PLEKHH2: variants seen among roughly 807,000 people sequenced by gnomAD.
PLEKHH2 encodes the protein pleckstrin homology domain-containing family H member 2.
In PLEKHH2, 129 loss-of-function variants were observed where a neutral mutation model predicts 187.9. The ratio of observed to expected loss-of-function variants is 0.69; its 90% CI spans 0.59 to 0.79. PLEKHH2 has a LOEUF of 0.79. Ranked by LOEUF, PLEKHH2 falls within the 30% of genes least tolerant of loss-of-function variation. The pLI is 0.00. For missense variants in PLEKHH2, 2,076 were observed against 1,751.2 expected (o/e 1.19, Z -3.31); for synonymous variants, 686 against 605.6 (o/e 1.13, Z -1.95).
At position 43,743,978 on chromosome 2, in the gene PLEKHH2, G is replaced by T. The variant is rs777774501; in HGVS notation, c.3544G>T (p.Gly1182Ter). The T allele has an allele frequency of 6.2e-7, 1 of 1,613,632 alleles. No homozygotes were observed. The change falls in exon 23 of 30, where the codon GGA (glycine) becomes TGA (stop). Residue 1182 changes from glycine (G) to a stop codon, truncating the protein, a stop_gained. Coordinates refer to ENST00000282406, the MANE Select transcript of PLEKHH2 (RefSeq NM_172069.4). LOFTEE classifies it high-confidence loss of function. The part of the protein sequence containing the change: ...SGRDLEHCLQ[G>*]NIKICDIISK... ...CAGAGATTTAGAGCATTGTCTTCAA[G>T]GAAACATCAAGGTGAAACCAAGTCC...
Position 43,699,985 on chromosome 2 carries a change from A to T in PLEKHH2, c.1027A>T (p.Ile343Leu). The change falls in exon 8 of 30, where the codon ATA becomes TTA. Residue 343 changes from isoleucine (I) to leucine (L), a missense_variant. By Grantham distance (5) the Ile-to-Leu change is conservative. Transcript: ENST00000282406. ...TATATTTGAGGAAGAGACTTTTGGC[A>T]TAAAGAGACCAGAACACAAGAAGCT... is the stretch of plus-strand genomic sequence containing the variant. Reference protein sequence around the residue: ...SSIFEEETFGIKRPEHKKLYS... With the variant: ...SSIFEEETFGLKRPEHKKLYS... 1 of 1,614,212 alleles carries T rather than the reference A, an allele frequency of 6.2e-7. No homozygotes were observed. The highest frequency in any genetic ancestry group is 1.7e-5 in the Admixed American group (1 of 60,024).
intron 2 of PLEKHH2, among the ~76,000 whole-genome samples, chr2:43,655,964 A>ATTT (rs10646252): frequency 7.3e-4 from 109 of 148,674 alleles, no homozygotes; most frequent in South Asian, 1.7e-3. Context: ...TATCTTAGTG[A>ATTT]TTTTTTTTTT....
At position 43,740,986 on chromosome 2, in the gene PLEKHH2, C is replaced by T. The variant is rs758716569; in HGVS notation, c.3164C>T (p.Pro1055Leu). ...GCACTCTGCGTTGGGCTCTTCCTTC[C>T]CCATCATCCTTTCCTGTGGCTCCTC... ...LLALCVGLFLPHHPFLWLLRL... is the reference protein window; with the variant it reads ...LLALCVGLFLLHHPFLWLLRL... The change falls in exon 21 of 30, where the codon CCC becomes CTC. Residue 1055 changes from proline to leucine, a missense_variant. Transcript: ENST00000282406. The T allele has an allele frequency of 6.2e-7, 1 of 1,614,044 alleles. No homozygotes were observed. The highest frequency in any genetic ancestry group is 1.7e-5 in the Admixed American group (1 of 60,020).
chr2:43,736,327 T>C (rs1274204171), intron 19 of PLEKHH2, among the ~76,000 whole-genome samples: 1 of 152,130 alleles, frequency 6.6e-6, no homozygotes, highest in Non-Finnish European at 1.5e-5. Flanking sequence ...AGGGACTGGA[T>C]TTGCCCTGCC....
chr2:43,759,179 G>T (rs754434652), intron 27 of PLEKHH2, 150 bp downstream of exon 27: 176 of 1,261,948 alleles, frequency 1.4e-4, no homozygotes, highest in Non-Finnish European at 1.8e-4. Flanking sequence ...CTAGAGAAAG[G>T]GCAGAAAAGC....
chr2:43,731,549 C>G lies in PLEKHH2; in HGVS notation c.2890C>G (p.Leu964Val), dbSNP rs200730073. 1 of 1,606,914 alleles carries G rather than the reference C, an allele frequency of 6.2e-7. No homozygotes were observed. Among genetic ancestry groups the G allele is most frequent in the Non-Finnish European group, 8.5e-7 (1 of 1,173,904 alleles). The change falls in exon 19 of 30, where the codon CTG (leucine) becomes GTG (valine). Residue 964 changes from leucine to valine, a missense_variant. Physicochemically the swap from Leu to Val is conservative, Grantham distance 32. Transcript: ENST00000282406. ...CHSKEGIISP[L>V]TTLPSEALQT... ...CAGTAAAGAAGGAATCATTTCCCCT[C>G]TGACAACTCTACCTTCCGAAGCCCT...
intron 3 of PLEKHH2, among the ~76,000 whole-genome samples, chr2:43,690,756 A>G (rs993255717): frequency 1.3e-5 from 2 of 152,132 alleles, no homozygotes; most frequent in Non-Finnish European, 2.9e-5. Context: ...TCAATACTTT[A>G]TTTTCCTTCT....
intron 16 of PLEKHH2, among the ~76,000 whole-genome samples, chr2:43,722,798 T>A (rs1670545064): frequency 6.6e-6 from 1 of 152,132 alleles, no homozygotes; most frequent in Non-Finnish European, 1.5e-5. Context: ...TTTTTATAAA[T>A]AGAAAAATAA....
intron 5 of PLEKHH2, 40 bp downstream of exon 5, chr2:43,694,554 C>A (rs750205537): frequency 9.4e-6 from 14 of 1,487,056 alleles, no homozygotes; most frequent in African/African-American, 1.4e-5. Context: ...TTACCTTTTA[C>A]TTCTTTTGAA....
rs1669292857 is a variant in PLEKHH2 at position 43,700,261 on chromosome 2, C to T, written c.1303C>T (p.His435Tyr). ...AGGAACACAATTAGTGCCTTCATCA[C>T]ACCTGCCACCCCCAAAGTTAAGGAT... ...GKGTQLVPSS[H>Y]LPPPKLRIPN... Residue 435 changes from histidine (H) to tyrosine (Y), a missense_variant, in exon 8 of 30, where the codon CAC becomes TAC. Physicochemically the swap from His to Tyr is moderately conservative, Grantham distance 83 (BLOSUM62 2). Coordinates refer to ENST00000282406, the MANE Select transcript of PLEKHH2 (RefSeq NM_172069.4). 1.9e-6 allele frequency: 3 copies of T among 1,614,098 alleles called. No homozygotes were observed. The Admixed American group carries it at 5.0e-5, about 27-fold the overall frequency.
chr2:43,659,601 G>A (rs2104376156), intron 2 of PLEKHH2, among the ~76,000 whole-genome samples: 1 of 143,994 alleles, frequency 6.9e-6, no homozygotes, highest in Non-Finnish European at 1.5e-5. Flanking sequence ...CAGTCTCACT[G>A]CACTGGAGTG....
chr2:43,729,981 C>G (rs1338626243), intron 18 of PLEKHH2, among the ~76,000 whole-genome samples: 1 of 152,068 alleles, frequency 6.6e-6, no homozygotes, highest in African/African-American at 2.4e-5. Context: ...TTCCACTGCT[C>G]CTCTGCTTGG....
intron 6 of PLEKHH2, among the ~76,000 whole-genome samples, 168 bp downstream of exon 6, chr2:43,695,392 TG>T (rs1217787972): frequency 6.6e-6 from 1 of 152,230 alleles, no homozygotes; most frequent in Non-Finnish European, 1.5e-5. Context: ...GAGTGAATGT[TG>T]GGCCTGAAAG....
chr2:43,639,193 C>G (rs1703254520), intron 1 of PLEKHH2, among the ~76,000 whole-genome samples: 1 of 152,120 alleles, frequency 6.6e-6, no homozygotes, highest in South Asian at 2.1e-4. Flanking sequence ...AAATGCAGTC[C>G]TAGTATACAT....
At chr2:43,682,629 T>C (rs1572547540) in intron 3 of PLEKHH2, among the ~76,000 whole-genome samples, 1 of 152,094 alleles carries the variant, frequency 6.6e-6, no homozygotes, top group African/African-American at 2.4e-5. Context: ...TAAATGAACA[T>C]TTCAGTGTTG....
chr2:43,697,349 C>G lies in PLEKHH2; in HGVS notation c.681C>G (p.Asp227Glu). 5 of 1,606,864 alleles carry G rather than the reference C, an allele frequency of 3.1e-6. No homozygotes were observed. Among genetic ancestry groups the G allele is most frequent in the Non-Finnish European group, 4.2e-6 (5 of 1,176,680 alleles). ...SKEPEFTEGKDMEEMEIPEKS... is the reference protein window; with the variant it reads ...SKEPEFTEGKEMEEMEIPEKS... ...AACCTGAGTTCACTGAAGGAAAAGA[C>G]ATGGAAGGTATTTATGAACTACAGG... The change falls in exon 7 of 30, where the codon GAC (aspartate) becomes GAG (glutamate). Residue 227 changes from aspartate to glutamate, a missense_variant. By Grantham distance (45) the Asp-to-Glu change is conservative (BLOSUM62 2). Transcript: ENST00000282406.
chr2:43,666,448 C>G (rs961377903), intron 2 of PLEKHH2, among the ~76,000 whole-genome samples: 2 of 147,238 alleles, frequency 1.4e-5, no homozygotes, highest in African/African-American at 2.7e-5. Flanking sequence ...GTCGCTCACG[C>G]TGGGAGCTGT....
chr2:43,707,139 T>C (rs2104507678), intron 10 of PLEKHH2, among the ~76,000 whole-genome samples: 1 of 134,974 alleles, frequency 7.4e-6, no homozygotes, highest in East Asian at 2.1e-4. Context: ...GAGGTTGCAG[T>C]GAACCGAGAT....
chr2:43,699,852 C>T lies in PLEKHH2; in HGVS notation c.894C>T (p.Ser298=). 2 of 1,614,090 alleles carry T rather than the reference C, an allele frequency of 1.2e-6. No individual in the cohort carries two copies. The highest frequency in any genetic ancestry group is 1.7e-6 in the Non-Finnish European group (2 of 1,179,982). Residue 298 remains serine, a synonymous_variant, in exon 8 of 30, where the codon TCC becomes TCT. Transcript: ENST00000282406. ...SDEEDGSKGR[S]KSRCTSTLSS... is the part of the protein sequence containing the mutation. ...AGGAAGACGGGAGCAAAGGAAGATC[C>T]AAGTCCAGATGCACATCCACCCTCT...
Sources: allele counts gnomAD v4.1 joint callset (sites outside exome capture counted in the v4.1 genomes callset), GRCh38; gene constraint gnomAD v4.1.1; transcripts MANE v1.5; gene names NCBI Gene and HGNC (gene_info 2026-07-23, HGNC 2026-07-21).